CDK14: variants seen among roughly 807,000 people sequenced by gnomAD.
The protein encoded by CDK14 is cyclin dependent kinase 14.
In CDK14, 34 loss-of-function variants were observed where a neutral mutation model predicts 60.7. That is an observed-to-expected ratio of 0.56 (90% CI 0.43 to 0.75). The LOEUF is 0.75. CDK14 is among the 30% of genes least tolerant of loss of function. The pLI is 0.00. For missense variants in CDK14, 482 were observed against 564.1 expected, an observed-to-expected ratio of 0.85 and a Z score of 1.47; for synonymous variants, 197 against 203.7, an observed-to-expected ratio of 0.97 and a Z score of 0.28.
At chr7:90,913,496 A>G (rs1792975890) in intron 7 of CDK14, among the ~76,000 whole-genome samples, 1 of 152,276 alleles carries the variant, frequency 6.6e-6, no homozygotes, top group African/African-American at 2.4e-5. Flanking sequence ...GCATAGCACA[A>G]GGTCATCATA....
At chr7:90,643,407 T>G (rs919804820) in intron 2 of CDK14, among the ~76,000 whole-genome samples, 5 of 152,210 alleles carry the variant, frequency 3.3e-5, no homozygotes, top group African/African-American at 1.2e-4. Context: ...TTCCTTTTAG[T>G]CTGTCCTTTG....
chr7:91,163,899 A>C (rs1801252622), intron 14 of CDK14, among the ~76,000 whole-genome samples: 1 of 152,216 alleles, frequency 6.6e-6, no homozygotes, highest in South Asian at 2.1e-4. Context: ...ATTTAGGCTA[A>C]GAAGATAGGT....
chr7:90,707,092 A>G (rs891939557), intron 2 of CDK14, among the ~76,000 whole-genome samples: 3 of 152,100 alleles, frequency 2.0e-5, no homozygotes, highest in African/African-American at 7.2e-5. Flanking sequence ...CTTTTGATCT[A>G]TCATCTGAGC....
intron 3 of CDK14, among the ~76,000 whole-genome samples, chr7:90,730,989 CT>C (rs1163108652): frequency 6.6e-6 from 1 of 152,126 alleles, no homozygotes; most frequent in Non-Finnish European, 1.5e-5. Context: ...GGTTTTAGGT[CT>C]TACATTTAAG....
At chr7:90,861,110 C>T (rs1344665218) in intron 5 of CDK14, among the ~76,000 whole-genome samples, 2 of 152,038 alleles carry the variant, frequency 1.3e-5, no homozygotes, top group Non-Finnish European at 2.9e-5. Flanking sequence ...TCAGAATAGC[C>T]ACCCCAACCC....
At chr7:91,030,635 C>T (rs62468498) in intron 10 of CDK14, among the ~76,000 whole-genome samples, 5,856 of 152,244 alleles carry the variant, frequency 0.038, 139 homozygotes, top group South Asian at 0.069. Flanking sequence ...AAAATGCAAG[C>T]CTGTCACCTG....
intron 1 of CDK14, among the ~76,000 whole-genome samples, chr7:90,601,793 G>A (rs763553300): frequency 2.0e-5 from 3 of 151,844 alleles, no homozygotes; most frequent in East Asian, 1.9e-4. Flanking sequence ...TCACTCTGTC[G>A]CCCAGGCTGG....
At chr7:90,789,777 A>C (rs1805750434) in intron 4 of CDK14, among the ~76,000 whole-genome samples, 1 of 152,170 alleles carries the variant, frequency 6.6e-6, no homozygotes, top group Non-Finnish European at 1.5e-5. Flanking sequence ...CAAATAAAGT[A>C]TGGTTCTAGG....
chr7:91,177,872 A>G (rs1265649588), intron 14 of CDK14, among the ~76,000 whole-genome samples: 2 of 147,346 alleles, frequency 1.4e-5, no homozygotes. Flanking sequence ...TATTGTGAAA[A>G]TGGCCATACT....
At position 90,629,696 on chromosome 7, in the gene CDK14, C is replaced by G. The variant is rs117519100; in HGVS notation, c.123+25447C>G. On this transcript the variant is annotated intron_variant, in intron 2 of 14. Coordinates refer to ENST00000380050, the MANE Select transcript of CDK14 (RefSeq NM_001287135.2). ...TCTTTGAATGTCCATGTTGGAGATT[C>G]AATTGATGAAAAACCTATTTGTAAT... Among the ~76,000 whole-genome samples the G allele has an allele frequency of 5.1e-4, 78 of 152,166 alleles. No homozygotes were observed. In the East Asian group the frequency reaches 0.014, roughly 27 times the overall value.
At chr7:91,061,134 C>T (rs1308752647) in intron 11 of CDK14, among the ~76,000 whole-genome samples, 1 of 152,124 alleles carries the variant, frequency 6.6e-6, no homozygotes, top group African/African-American at 2.4e-5. Flanking sequence ...TCTCTTCTTG[C>T]CTCATTTCAT....
intron 2 of CDK14, among the ~76,000 whole-genome samples, chr7:90,618,955 G>C (rs1799709712): frequency 6.6e-6 from 1 of 152,154 alleles, no homozygotes; most frequent in South Asian, 2.1e-4. Flanking sequence ...AATCTCAAGA[G>C]AGCAGAATCA....
At chr7:90,696,338 T>TCTTCTTCTTCTTC (rs61542847) in intron 2 of CDK14, among the ~76,000 whole-genome samples, 2,332 of 99,350 alleles carry the variant, frequency 0.023, 32 homozygotes, top group Admixed American at 0.055. Context: ...TTCTTCTTCT[T>TCTTCTTCTTCTTC]TTTTTTTTTT....
At chr7:91,065,698 G>T (rs556759631) in intron 11 of CDK14, among the ~76,000 whole-genome samples, 1 of 152,158 alleles carries the variant, frequency 6.6e-6, no homozygotes, top group Non-Finnish European at 1.5e-5. Flanking sequence ...TCTATTGAAG[G>T]CCTCTCAGTA....
chr7:90,612,437 G>A (rs192980879), intron 2 of CDK14, among the ~76,000 whole-genome samples: 1 of 152,200 alleles, frequency 6.6e-6, no homozygotes, highest in East Asian at 1.9e-4. Flanking sequence ...ATCTTACAGG[G>A]CTGGGCCTGG....
At position 90,728,549 on chromosome 7, in the gene CDK14, A is replaced by G. The variant is rs118001892; in HGVS notation, c.369+1737A>G. 2.1e-3 allele frequency among the ~76,000 whole-genome samples: 313 copies of G among 152,208 alleles called. 1 individual carries two copies. Among genetic ancestry groups the G allele is most frequent in the East Asian group, 0.014 (71 of 5,182 alleles). ...AAAGTATCCTGTTCTATTTCAATGA[A>G]TAACATATCACTTCATATGTTTCTG... On this transcript the variant is annotated intron_variant, in intron 3 of 14. Transcript: ENST00000380050.
chr7:90,993,673 G>A (rs570514267), intron 10 of CDK14, among the ~76,000 whole-genome samples: 1 of 152,296 alleles, frequency 6.6e-6, no homozygotes, highest in African/African-American at 2.4e-5. Flanking sequence ...TGAGGGAATG[G>A]ATAATATTCA....
intron 4 of CDK14, among the ~76,000 whole-genome samples, chr7:90,761,653 G>T (rs563906564): frequency 6.6e-6 from 1 of 152,146 alleles, no homozygotes; most frequent in African/African-American, 2.4e-5. Flanking sequence ...TTGAGGAGTG[G>T]TGGTGTCACT....
At chr7:91,074,874 A>G (rs1249427944) in intron 11 of CDK14, among the ~76,000 whole-genome samples, 1 of 152,238 alleles carries the variant, frequency 6.6e-6, no homozygotes, top group Non-Finnish European at 1.5e-5. Flanking sequence ...CTCTACACAA[A>G]TAAACTAGAA....
Sources: gnomAD v4.1 joint callset for allele counts (sites outside exome capture counted in the v4.1 genomes callset) on GRCh38, gnomAD v4.1.1 for gene constraint, MANE v1.5 for transcripts, NCBI Gene and HGNC (gene_info 2026-07-23, HGNC 2026-07-21) for gene names.